The following RPAP1 variants were observed in gnomAD, a reference collection of about 807,000 sequenced individuals.
RPAP1 encodes the protein RNA polymerase II-associated protein 1.
A neutral mutation model predicts 142.4 loss-of-function variants in RPAP1; 109 were observed. That is an observed-to-expected ratio of 0.77 (90% CI 0.66 to 0.90). The LOEUF (loss-of-function observed/expected upper bound fraction) is 0.90, where lower values mean the gene tolerates loss of function less well. Among genes scored for constraint, RPAP1 ranks in the 40% least tolerant of loss-of-function variants. The pLI is 0.00. For synonymous variants in RPAP1, 704 were observed against 738.9 expected (o/e 0.95, Z 0.77); for missense variants, 1,546 against 1,751.7 (o/e 0.88, Z 2.10).
intron 12 of RPAP1, 54 bp downstream of exon 12, chr15:41,527,369 C>T (rs1347661402): frequency 1.5e-5 from 24 of 1,612,890 alleles, no homozygotes; most frequent in Middle Eastern, 3.3e-4. Context: ...GCCCCTCTTT[C>T]CAGCATGTGC....
At chr15:41,530,936 C>T in intron 7 of RPAP1, 87 bp downstream of exon 7, 1 of 1,290,986 alleles carries the variant, frequency 7.7e-7, no homozygotes, top group Non-Finnish European at 1.1e-6. Context: ...ACAGAAGCTT[C>T]TCTCTTCTCT....
chr15:41,521,890 G>A lies in RPAP1; in HGVS notation c.2896-10C>T, dbSNP rs2051729663. On this transcript the variant is annotated splice_polypyrimidine_tract_variant and intron_variant, in intron 20 of 24. Coordinates refer to ENST00000304330, the MANE Select transcript of RPAP1 (RefSeq NM_015540.4). ...GTGGCTGCAGCGCTGCCTGCAGACA[G>A]AAAAGCAGGGAACTACCTAGTACAG... 1.9e-6 allele frequency: 3 copies of A among 1,613,118 alleles called. No individual in the cohort carries two copies. The African/African-American group carries it at 4.0e-5, about 22-fold the overall frequency.
chr15:41,522,035 T>G (rs1595480843), intron 20 of RPAP1, 63 bp downstream of exon 20: 2 of 1,590,994 alleles, frequency 1.3e-6, no homozygotes. Context: ...GCAGGCTGGG[T>G]TCCACAGAAA....
chr15:41,536,738 G>T, intron 2 of RPAP1, 89 bp from the exon 3 acceptor site: 1 of 1,508,928 alleles, frequency 6.6e-7, no homozygotes, highest in Non-Finnish European at 9.0e-7. Flanking sequence ...CTGCCATGGG[G>T]CCCTGGCTCA....
At chr15:41,536,402 T>G in intron 3 of RPAP1, 99 bp downstream of exon 3, 1 of 1,504,246 alleles carries the variant, frequency 6.6e-7, no homozygotes, top group Non-Finnish European at 9.1e-7. Context: ...AGTCTACCTT[T>G]CTGAAGCACC....
Position 41,527,316 on chromosome 15 carries a change from G to A in RPAP1, c.1612-15C>T, listed in dbSNP as rs754677571. 3 of 1,614,004 alleles carry A rather than the reference G, an allele frequency of 1.9e-6. No individual in the cohort carries two copies. The highest frequency in any genetic ancestry group is 8.5e-7 in the Non-Finnish European group (1 of 1,179,986). Reference sequence around the variant, plus strand: ...GCCAGGAGCCCCTGGGAGTTGGAGAGAGAAACCCACTGACAAATGCAGCTG... The same window carrying A: ...GCCAGGAGCCCCTGGGAGTTGGAGAAAGAAACCCACTGACAAATGCAGCTG... On this transcript the variant is annotated splice_polypyrimidine_tract_variant and intron_variant, in intron 12 of 24. Transcript: ENST00000304330.
chr15:41,529,563 C>T lies in RPAP1; in HGVS notation c.1065G>A (p.Met355Ile), dbSNP rs370690823. ...CTCCCTGAAGACTGAATCGAGCCTG[C>T]ATCCTCTAATGGGAAGAGAAAGAGG... The part of the protein sequence containing the change: ...PVRRQQTQER[M>I]QARFSLQGEL... The change falls in exon 9 of 25, where the codon ATG becomes ATA. Residue 355 changes from methionine (M) to isoleucine (I), a missense_variant. By Grantham distance (10) the Met-to-Ile change is conservative. Transcript: ENST00000304330. 1.9e-6 allele frequency: 3 copies of T among 1,608,660 alleles called. No homozygotes were observed. The highest frequency in any genetic ancestry group is 2.2e-5 in the South Asian group (2 of 90,388).
At position 41,537,216 on chromosome 15, in the gene RPAP1, G is replaced by T. The variant is rs1212744380; in HGVS notation, c.-76-15C>A. On this transcript the variant is annotated splice_polypyrimidine_tract_variant and intron_variant, in intron 1 of 24. Coordinates refer to ENST00000304330, the MANE Select transcript of RPAP1 (RefSeq NM_015540.4). ...CTTATTCATCCCTAAGAGCAAGAAA[G>T]AATATGGGCCCTCTGCAACTGAACC... 2 of 1,266,270 alleles carry T rather than the reference G, an allele frequency of 1.6e-6. No homozygotes were observed. Among genetic ancestry groups the T allele is most frequent in the Admixed American group, 2.5e-5 (1 of 40,536 alleles). 78.4% of individuals were successfully genotyped at this position (1,266,270 alleles called of 1,614,324 possible).
At chr15:41,531,820 T>C (rs1488062601) in intron 6 of RPAP1, among the ~76,000 whole-genome samples, 1 of 150,706 alleles carries the variant, frequency 6.6e-6, no homozygotes, top group Non-Finnish European at 1.5e-5. Context: ...TTTGTATTTT[T>C]ACTAGAGACG....
At chr15:41,526,734 T>G (rs963731924) in intron 14 of RPAP1, among the ~76,000 whole-genome samples, 164 bp downstream of exon 14, 1 of 152,170 alleles carries the variant, frequency 6.6e-6, no homozygotes, top group Non-Finnish European at 1.5e-5. Context: ...CAGGCTCCAG[T>G]AAACAGGTTC....
intron 1 of RPAP1, among the ~76,000 whole-genome samples, chr15:41,542,544 T>A (rs1383663763): frequency 6.6e-6 from 1 of 152,228 alleles, no homozygotes; most frequent in Non-Finnish European, 1.5e-5. Flanking sequence ...TAATTACTAT[T>A]TGTAGCATGA....
At chr15:41,518,459 A>G (rs1377767231) in intron 22 of RPAP1, 3 of 275,702 alleles carry the variant, frequency 1.1e-5, no homozygotes, top group Non-Finnish European at 2.0e-5. Flanking sequence ...AGGCAGGCGG[A>G]TCACACGAAA....
In RPAP1 at chr15:41,518,023, G is replaced by A; in HGVS notation, c.3955C>T (p.Gln1319Ter). The A allele has an allele frequency of 1.2e-6, 2 of 1,614,124 alleles. No homozygotes were observed. Among genetic ancestry groups the A allele is most frequent in the Non-Finnish European group, 1.7e-6 (2 of 1,179,986 alleles). ...TAACTTACTGAGCTCTGTGGGTCCT[G>A]AGAGAAGATGAAGCTATTGACATGA... ...VAHVNSFIFSQDPQSSDEVKA... is the reference protein window; with the variant it reads ...VAHVNSFIFS Residue 1319 changes from glutamine to a stop codon, truncating the protein, a stop_gained, in exon 23 of 25, where the codon CAG (glutamine) becomes TAG (stop). Transcript: ENST00000304330. LOFTEE classifies it high-confidence loss of function.
At chr15:41,523,410 C>G in intron 17 of RPAP1, 56 bp from the exon 18 acceptor site, 1 of 1,169,682 alleles carries the variant, frequency 8.5e-7, no homozygotes, top group Non-Finnish European at 1.2e-6. Flanking sequence ...TCTCCTAGAC[C>G]CTGTGTACCC....
intron 22 of RPAP1, chr15:41,519,802 A>G (rs1326385197): frequency 6.5e-6 from 1 of 154,078 alleles, no homozygotes; most frequent in Non-Finnish European, 1.4e-5. Context: ...ACCACCTAGC[A>G]TCTGAATAAT....
In RPAP1 at chr15:41,536,641, C is replaced by A; in HGVS notation, c.190G>T (p.Asp64Tyr). The A allele has an allele frequency of 6.2e-7, 1 of 1,613,644 alleles. No individual in the cohort carries two copies. The highest frequency in any genetic ancestry group is 1.7e-4 in the Middle Eastern group (1 of 6,044). The change falls in exon 3 of 25, where the codon GAT (aspartate) becomes TAT (tyrosine). Residue 64 changes from aspartate (D) to tyrosine (Y), a missense_variant. Physicochemically the swap from Asp to Tyr is radical, Grantham distance 160. Around this residue, in one of 3 missense-constraint regions of RPAP1, gnomAD observed 1,333 missense variants for 1,486.6 expected, o/e 0.90. Transcript: ENST00000304330. ...GAAGGGACCAAAGCTGGGGGCAAATCTGGGAGATCTGAGAAAGAAAAGATC... is the reference window on the plus strand; with the variant it reads ...GAAGGGACCAAAGCTGGGGGCAAATATGGGAGATCTGAGAAAGAAAAGATC... The part of the protein sequence containing the change: ...RDVVMLDNLP[D>Y]LPPALVPSPP...
intron 1 of RPAP1, among the ~76,000 whole-genome samples, chr15:41,538,413 G>A (rs1018094554): frequency 6.6e-6 from 1 of 152,110 alleles, no homozygotes; most frequent in African/African-American, 2.4e-5. Context: ...GTAAATGTCA[G>A]AAACAGAATC....
chr15:41,528,015 C>A lies in RPAP1; in HGVS notation c.1273G>T (p.Glu425Ter). ...CTGCCTGCTAGCCGGTCCCCAAACT[C>A]ACCAGCCTGGGCCTGAGGGCAGGAG... ...AQVISRAQAGEFGDRLAGSVL... is the reference protein window; with the variant it reads ...AQVISRAQAG The change falls in exon 11 of 25, where the codon GAG becomes TAG. Residue 425 changes from glutamate to a stop codon, truncating the protein, a stop_gained. Transcript: ENST00000304330. LOFTEE classifies it high-confidence loss of function. 1 of 1,613,972 alleles carries A rather than the reference C, an allele frequency of 6.2e-7. No homozygotes were observed.
At chr15:41,517,915 C>A in intron 23 of RPAP1, 58 bp from the exon 24 acceptor site, 1 of 1,613,454 alleles carries the variant, frequency 6.2e-7, no homozygotes, top group Non-Finnish European at 8.5e-7. Context: ...CACCACTGGC[C>A]TTGCTTGACA....
Sources: allele counts gnomAD v4.1 joint callset (sites outside exome capture counted in the v4.1 genomes callset), GRCh38; gene constraint gnomAD v4.1.1; regional missense constraint gnomAD v4.1.1; transcripts MANE v1.5; gene names NCBI Gene and HGNC (gene_info 2026-07-23, HGNC 2026-07-21).